Variants in SORCS2 observed in about 807,000 individuals in gnomAD.
SORCS2 encodes the protein VPS10 domain-containing receptor SorCS2.
SORCS2 carries 100 observed loss-of-function variants against 141.6 expected under a neutral mutation model. The observed-to-expected ratio is 0.71, with a 90% confidence interval of 0.60 to 0.83. The LOEUF (loss-of-function observed/expected upper bound fraction) is 0.83. SORCS2 is among the 40% of genes least tolerant of loss of function. The pLI is 0.00. For missense variants in SORCS2, 1,646 were observed against 1,560.2 expected, an observed-to-expected ratio of 1.05 and a Z score of -0.93; for synonymous variants, 789 against 676.9, an observed-to-expected ratio of 1.17 and a Z score of -2.57.
chr4:7,285,013 G>T (rs911685314), intron 1 of SORCS2, among the ~76,000 whole-genome samples: 1 of 148,394 alleles, frequency 6.7e-6, no homozygotes, highest in African/African-American at 2.5e-5. Context: ...GCTCACCTGG[G>T]ACCATCCCAT....
At chr4:7,470,256 C>G (rs1245208785) in intron 2 of SORCS2, among the ~76,000 whole-genome samples, 1 of 151,436 alleles carries the variant, frequency 6.6e-6, no homozygotes, top group African/African-American at 2.4e-5. Flanking sequence ...CTCCCATCCT[C>G]CCATCCTCCC....
At chr4:7,358,248 A>C (rs957597700) in intron 1 of SORCS2, among the ~76,000 whole-genome samples, 1 of 152,196 alleles carries the variant, frequency 6.6e-6, no homozygotes, top group Non-Finnish European at 1.5e-5. Flanking sequence ...GTTGATGGCC[A>C]TTTGCGGGGC....
intron 3 of SORCS2, among the ~76,000 whole-genome samples, chr4:7,556,098 T>C (rs1714084309): frequency 6.6e-6 from 1 of 152,150 alleles, no homozygotes; most frequent in South Asian, 2.1e-4. Context: ...GTTAGGGTTG[T>C]ATTTGGAATG....
At chr4:7,724,760 T>A (rs57787124) in intron 19 of SORCS2, among the ~76,000 whole-genome samples, 26 of 10,376 alleles carry the variant, frequency 2.5e-3, no homozygotes, top group East Asian at 5.0e-3. Context: ...GGTGGTGGTG[T>A]TGGTGATGAT....
chr4:7,713,262 C>T (rs1464094902), intron 15 of SORCS2, among the ~76,000 whole-genome samples: 1 of 152,136 alleles, frequency 6.6e-6, no homozygotes, highest in Non-Finnish European at 1.5e-5. Context: ...ATAACTGTTT[C>T]TACAGCAAAT....
intron 1 of SORCS2, among the ~76,000 whole-genome samples, chr4:7,264,720 G>C (rs1227682238): frequency 1.3e-5 from 2 of 152,200 alleles, no homozygotes; most frequent in African/African-American, 4.8e-5. Flanking sequence ...CCTCCCTATG[G>C]AAAGCCCCTC....
chr4:7,522,549 C>T (rs1733394661), intron 2 of SORCS2, among the ~76,000 whole-genome samples: 2 of 152,162 alleles, frequency 1.3e-5, no homozygotes, highest in South Asian at 2.1e-4. Flanking sequence ...TGCGGGACGG[C>T]ACCAGGCACA....
At chr4:7,307,855 GGTGT>G (rs1717934730) in intron 1 of SORCS2, among the ~76,000 whole-genome samples, 1 of 151,888 alleles carries the variant, frequency 6.6e-6, no homozygotes, top group South Asian at 2.1e-4. Context: ...GTGTGTGCTT[GGTGT>G]GTGTATGAGT....
At chr4:7,674,857 C>T (rs911831382) in intron 8 of SORCS2, among the ~76,000 whole-genome samples, 34 of 151,484 alleles carry the variant, frequency 2.2e-4, no homozygotes, top group Admixed American at 3.3e-4. Flanking sequence ...TGAGAACATG[C>T]GAAGGGAGCC....
At position 7,706,238 on chromosome 4, in the gene SORCS2, G is replaced by A. The variant is rs561366802; in HGVS notation, c.1868+1954G>A. 6.8e-5 allele frequency among the ~76,000 whole-genome samples: 8 copies of A among 118,046 alleles called. No individual in the cohort carries two copies. In the South Asian group the frequency reaches 1.3e-3, roughly 19 times the overall value. 77.4% of individuals were successfully genotyped at this position (118,046 alleles called of 152,430 possible). On this transcript the variant is annotated intron_variant, in intron 14 of 26. Coordinates refer to ENST00000507866, the MANE Select transcript of SORCS2 (RefSeq NM_020777.3). Reference sequence around the variant, plus strand: ...TCCGTCTGGGCAGGGATGAGGCTGCGCTCCGCCTGGGCAGGGATGAGGCTG... The same window carrying A: ...TCCGTCTGGGCAGGGATGAGGCTGCACTCCGCCTGGGCAGGGATGAGGCTG...
At chr4:7,307,900 CTG>C (rs762942862) in intron 1 of SORCS2, among the ~76,000 whole-genome samples, 13 of 151,290 alleles carry the variant, frequency 8.6e-5, no homozygotes, top group South Asian at 2.1e-4. Flanking sequence ...GTGTATATGT[CTG>C]TGCATGAGTG....
intron 1 of SORCS2, among the ~76,000 whole-genome samples, chr4:7,314,176 C>T (rs767732841): frequency 2.0e-5 from 3 of 152,140 alleles, no homozygotes; most frequent in Non-Finnish European, 4.4e-5. Flanking sequence ...GCTGCCAAGC[C>T]AAGTGGGGTC....
chr4:7,733,430 C>G lies in SORCS2; in HGVS notation c.3208+9C>G. 1 of 1,571,782 alleles carries G rather than the reference C, an allele frequency of 6.4e-7. No individual in the cohort carries two copies. The highest frequency in any genetic ancestry group is 8.6e-7 in the Non-Finnish European group (1 of 1,158,338). ...GCGGGACACAGGCACAGGTGAGCCA[C>G]TGGGAGCTCCCCTGCGGAATGGGTG... On this transcript the variant is annotated intron_variant, in intron 24 of 26. Transcript: ENST00000507866.
intron 3 of SORCS2, among the ~76,000 whole-genome samples, chr4:7,566,009 AATG>A: frequency 3.7e-4 from 1 of 2,716 alleles, no homozygotes; most frequent in Non-Finnish European, 9.6e-4. Flanking sequence ...TGATGGTGAT[AATG>A]ATGGTGATGA....
chr4:7,229,952 T>G (rs940230807), intron 1 of SORCS2, among the ~76,000 whole-genome samples: 7 of 145,248 alleles, frequency 4.8e-5, no homozygotes, highest in Non-Finnish European at 1.1e-4. Flanking sequence ...CAGTGTCATG[T>G]GCTCATGTAT....
intron 11 of SORCS2, among the ~76,000 whole-genome samples, chr4:7,692,569 A>T (rs1252571586): frequency 6.6e-6 from 1 of 152,194 alleles, no homozygotes; most frequent in Non-Finnish European, 1.5e-5. Context: ...CATGCCAGGC[A>T]CTGCACTGGG....
At chr4:7,367,041 C>T (rs529081077) in intron 1 of SORCS2, among the ~76,000 whole-genome samples, 4 of 152,196 alleles carry the variant, frequency 2.6e-5, no homozygotes, top group African/African-American at 7.2e-5. Context: ...GAGGAAGACA[C>T]CAAGCAGTGG....
chr4:7,478,478 T>A (rs997445919), intron 2 of SORCS2, among the ~76,000 whole-genome samples: 1 of 152,036 alleles, frequency 6.6e-6, no homozygotes, highest in Non-Finnish European at 1.5e-5. Flanking sequence ...CTGAACCCTG[T>A]AATTCAGCTA....
At position 7,193,266 on chromosome 4, in the gene SORCS2, C is replaced by A. The variant is rs1240939660; in HGVS notation, c.480+140C>A. The A allele has an allele frequency of 2.6e-6, 3 of 1,146,238 alleles. No individual in the cohort carries two copies. Among genetic ancestry groups the A allele is most frequent in the Non-Finnish European group, 1.1e-6 (1 of 890,098 alleles). 71.0% of individuals were successfully genotyped at this position (1,146,238 alleles called of 1,614,324 possible). A position where few individuals can be genotyped will look rare whatever the true frequency, so the allele number is the denominator to read the frequency against. On this transcript the variant is annotated intron_variant, in intron 1 of 26. Coordinates refer to ENST00000507866, the MANE Select transcript of SORCS2 (RefSeq NM_020777.3). The surrounding 1 kb of genome is among the most constrained non-coding windows in gnomAD (Gnocchi z 4.8). ...CTTGGCGACTTGGGCACTTGGGTCA[C>A]CTCGGCCGCGCCCCTACTGGCCTCT... is the stretch of plus-strand genomic sequence containing the variant.
Sources: gnomAD v4.1 joint callset for allele counts (sites outside exome capture counted in the v4.1 genomes callset) on GRCh38, gnomAD v4.1.1 for gene constraint, Gnocchi (gnomAD v3.1) non-coding constraint, MANE v1.5 for transcripts, NCBI Gene and HGNC (gene_info 2026-07-23, HGNC 2026-07-21) for gene names.